The following ACOXL variants were observed in gnomAD, a reference collection of about 807,000 sequenced individuals.
ACOXL encodes the protein acyl-coenzyme A oxidase-like protein.
Under a neutral mutation model 71.9 loss-of-function variants are expected in ACOXL, and 70 were observed. The observed-to-expected ratio is 0.97, with a 90% CI of 0.80 to 1.19. The LOEUF is 1.19. Ranked by LOEUF, ACOXL falls within the 50% of genes most tolerant of loss-of-function variation. The probability of loss-of-function intolerance (pLI) is 0.00; values close to 1 mark genes in which losing one functional copy is unlikely to be tolerated. For synonymous variants in ACOXL, 253 were observed against 281.6 expected, an observed-to-expected ratio of 0.90 and a Z score of 1.02; for missense variants, 703 against 736.3, an observed-to-expected ratio of 0.95 and a Z score of 0.52.
chr2:110,927,997 A>G (rs970623123), intron 11 of ACOXL, among the ~76,000 whole-genome samples: 3 of 152,184 alleles, frequency 2.0e-5, no homozygotes, highest in Admixed American at 1.3e-4. Context: ...TAAAAAATCA[A>G]TATTTGCAGT....
At chr2:110,773,703 G>A (rs1573449345) in intron 2 of ACOXL, among the ~76,000 whole-genome samples, 1 of 152,164 alleles carries the variant, frequency 6.6e-6, no homozygotes, top group East Asian at 1.9e-4. Context: ...AGGCTCCCCT[G>A]GCTCTTAGTC....
At chr2:110,769,931 C>T (rs1421522442) in intron 2 of ACOXL, among the ~76,000 whole-genome samples, 1 of 152,038 alleles carries the variant, frequency 6.6e-6, no homozygotes, top group Non-Finnish European at 1.5e-5. Flanking sequence ...GTACCAGCTA[C>T]TTGGGACGCT....
At chr2:110,972,856 C>G (rs965479307) in intron 12 of ACOXL, among the ~76,000 whole-genome samples, 1 of 152,214 alleles carries the variant, frequency 6.6e-6, no homozygotes, top group African/African-American at 2.4e-5. Flanking sequence ...GACTCCGTGT[C>G]CATGGTTTTT....
At chr2:111,012,109 A>T (rs1456378665) in intron 14 of ACOXL, among the ~76,000 whole-genome samples, 1 of 152,228 alleles carries the variant, frequency 6.6e-6, no homozygotes, top group Non-Finnish European at 1.5e-5. Context: ...GACTATAGGC[A>T]TACCTCATTT....
chr2:111,070,341 C>T (rs1335260272), intron 16 of ACOXL, among the ~76,000 whole-genome samples: 3 of 152,098 alleles, frequency 2.0e-5, no homozygotes, highest in East Asian at 3.9e-4. Flanking sequence ...AGAATGAGCT[C>T]GTGTCTTTTA....
chr2:110,835,754 C>T lies in ACOXL; in HGVS notation c.754-5617C>T, dbSNP rs116105391. Reference sequence around the variant, plus strand: ...CGCAGGTTGCTCAGTTCTTTCTGTACATCATCTCATTCAGTGCCTCTCAAA... The same window carrying T: ...CGCAGGTTGCTCAGTTCTTTCTGTATATCATCTCATTCAGTGCCTCTCAAA... On this transcript the variant is annotated intron_variant, in intron 9 of 17. Transcript: ENST00000439055. Among the ~76,000 whole-genome samples, 1,384 of 152,296 alleles carry T rather than the reference C, an allele frequency of 9.1e-3. 14 individuals are homozygous for T. Among genetic ancestry groups the T allele is most frequent in the African/African-American group, 0.029 (1,204 of 41,554 alleles).
chr2:110,842,257 A>G (rs950936614), intron 10 of ACOXL, among the ~76,000 whole-genome samples: 19 of 152,230 alleles, frequency 1.2e-4, no homozygotes, highest in Non-Finnish European at 1.8e-4. Flanking sequence ...AGGTTACAGC[A>G]GGAAGAGGGC....
intron 10 of ACOXL, among the ~76,000 whole-genome samples, chr2:110,878,899 A>G (rs1344525776): frequency 6.6e-6 from 1 of 151,818 alleles, no homozygotes; most frequent in Non-Finnish European, 1.5e-5. Context: ...CTCTACTAAA[A>G]ACACAAAAAT....
At chr2:110,774,101 A>C (rs966859183) in intron 2 of ACOXL, among the ~76,000 whole-genome samples, 39 of 152,190 alleles carry the variant, frequency 2.6e-4, no homozygotes, top group African/African-American at 8.9e-4. Context: ...ACTATGTAAA[A>C]AACCAATAAT....
At chr2:110,888,948 C>G (rs568920721) in intron 10 of ACOXL, among the ~76,000 whole-genome samples, 34 of 152,208 alleles carry the variant, frequency 2.2e-4, no homozygotes, top group Non-Finnish European at 4.4e-4. Context: ...GCAAACCTGT[C>G]TGTCTAAAGA....
chr2:111,000,326 C>T (rs1309839891), intron 14 of ACOXL, among the ~76,000 whole-genome samples: 7 of 152,090 alleles, frequency 4.6e-5, no homozygotes, highest in Admixed American at 3.3e-4. Flanking sequence ...ATGTCCATCC[C>T]GCAAGTTGAA....
intron 10 of ACOXL, chr2:110,886,943 C>G (rs142257328): frequency 5.0e-5 from 72 of 1,439,646 alleles, no homozygotes; most frequent in Non-Finnish European, 6.4e-5. Context: ...CGTGGCAGAT[C>G]CCTATAGGCT....
intron 16 of ACOXL, among the ~76,000 whole-genome samples, chr2:111,075,217 C>T (rs1286652026): frequency 7.3e-6 from 1 of 137,264 alleles, no homozygotes; most frequent in East Asian, 2.2e-4. Flanking sequence ...CCATTAAGGC[C>T]TAGAGATTTC....
intron 11 of ACOXL, among the ~76,000 whole-genome samples, chr2:110,927,141 A>T (rs2060301589): frequency 6.6e-6 from 1 of 152,142 alleles, no homozygotes; most frequent in Non-Finnish European, 1.5e-5. Flanking sequence ...AGCAGGAGAG[A>T]GAAGGAGCAA....
In ACOXL at chr2:110,915,350, A is replaced by ATATATATATATATG. The variant is rs1491355100; in HGVS notation, c.905+6446_905+6447insATATATATATATGT. ...TTATATGCATTTTATATATATATAT[A>ATATATATATATATG]TGTGTGTGTGTGTGTGTGTGTGTGT... is the stretch of plus-strand genomic sequence containing the variant. On this transcript the variant is annotated intron_variant, in intron 11 of 17. Transcript: ENST00000439055. 2.1e-3 allele frequency among the ~76,000 whole-genome samples: 236 copies of ATATATATATATATG among 113,594 alleles called. 3 individuals are homozygous for ATATATATATATATG. In the East Asian group the frequency reaches 0.025, roughly 12 times the overall value. The allele number at this position is 113,594 out of a possible 152,430, so 74.5% of individuals were successfully genotyped here.
chr2:110,917,430 A>G (rs935208550), intron 11 of ACOXL, among the ~76,000 whole-genome samples: 2 of 152,258 alleles, frequency 1.3e-5, no homozygotes, highest in Admixed American at 6.5e-5. Flanking sequence ...ATCTATGACA[A>G]ACCCACAGCC....
intron 3 of ACOXL, among the ~76,000 whole-genome samples, chr2:110,793,277 C>T (rs199677511): frequency 2.0e-5 from 3 of 152,270 alleles, no homozygotes; most frequent in Non-Finnish European, 2.9e-5. Flanking sequence ...CCTCCACAGA[C>T]GGGTCAGCAT....
chr2:110,880,817 A>G (rs1383438975), intron 10 of ACOXL, among the ~76,000 whole-genome samples: 1 of 152,192 alleles, frequency 6.6e-6, no homozygotes, highest in Non-Finnish European at 1.5e-5. Flanking sequence ...TGTCTCAATG[A>G]TAACAACAAC....
Position 111,118,081 on chromosome 2 carries a change from T to C in ACOXL, c.*265T>C. 1.8e-6 allele frequency: 1 copy of C among 559,304 alleles called. No individual in the cohort carries two copies. Among genetic ancestry groups the C allele is most frequent in the Non-Finnish European group, 3.2e-6 (1 of 314,148 alleles). The allele number at this position is 559,304 out of a possible 1,614,324, so 34.6% of individuals were successfully genotyped here. Reference sequence around the variant, plus strand: ...TGGCCTGACTGCAACCTCTCCCAACTTCAGTGCCGGATCCCCTAGACAATC... The same window carrying C: ...TGGCCTGACTGCAACCTCTCCCAACCTCAGTGCCGGATCCCCTAGACAATC... On this transcript the variant is annotated 3_prime_UTR_variant, in exon 18 of 18. Transcript: ENST00000439055.
Sources: gnomAD v4.1 joint callset for allele counts (sites outside exome capture counted in the v4.1 genomes callset) on GRCh38, gnomAD v4.1.1 for gene constraint, MANE v1.5 for transcripts, NCBI Gene and HGNC (gene_info 2026-07-23, HGNC 2026-07-21) for gene names.